The following ZMYM4 variants were observed in gnomAD, a reference collection of about 807,000 sequenced individuals.
ZMYM4 encodes zinc finger MYM-type containing 4, also known as zinc finger MYM-type protein 4.
ZMYM4 carries 31 observed loss-of-function variants against 183.2 expected under a neutral mutation model. The observed-to-expected ratio is 0.17, with a 90% CI of 0.13 to 0.23. ZMYM4 has a LOEUF of 0.23. Among genes scored for constraint, ZMYM4 ranks in the 10% least tolerant of loss-of-function variants. The pLI is 1.00. For synonymous variants in ZMYM4, 592 were observed against 631.2 expected, an observed-to-expected ratio of 0.94 and a Z score of 0.93; for missense variants, 1,273 against 1,840.3, an observed-to-expected ratio of 0.69 and a Z score of 5.64.
At chr1:35,396,739 G>A (rs1294721009) in intron 19 of ZMYM4, 69 bp downstream of exon 19, 1 of 1,490,908 alleles carries the variant, frequency 6.7e-7, no homozygotes, top group East Asian at 2.4e-5. Flanking sequence ...GTATAGTTCT[G>A]TGAAGAAAGT....
At chr1:35,408,906 A>C (rs1292027556) in intron 26 of ZMYM4, among the ~76,000 whole-genome samples, 3 of 152,176 alleles carry the variant, frequency 2.0e-5, no homozygotes, top group Non-Finnish European at 2.9e-5. Context: ...TCCAAAGGGA[A>C]ACCTCAAACC....
rs1446379242 is a variant in ZMYM4 at position 35,419,578 on chromosome 1, C to T, written c.4548C>T (p.Thr1516=). Residue 1516 remains threonine (T), a synonymous_variant, in exon 30 of 30, where the codon ACC becomes ACT. Coordinates refer to ENST00000314607, the MANE Select transcript of ZMYM4 (RefSeq NM_005095.3). ...WYSTFPIDPG[T]LDTMLTRILM... is the part of the protein sequence containing the mutation. ...CCACATTCCCGATAGACCCTGGAAC[C>T]CTGGACACCATGTTAACACGTATTC... The T allele has an allele frequency of 6.2e-7, 1 of 1,614,096 alleles. No homozygotes were observed. Among genetic ancestry groups the T allele is most frequent in the East Asian group, 2.2e-5 (1 of 44,886 alleles).
chr1:35,404,138 C>T (rs143625152), intron 23 of ZMYM4, among the ~76,000 whole-genome samples: 15 of 152,298 alleles, frequency 9.8e-5, no homozygotes, highest in African/African-American at 2.6e-4. Context: ...AATCATGGCT[C>T]GCTGCAACCT....
intron 26 of ZMYM4, among the ~76,000 whole-genome samples, chr1:35,412,064 T>G (rs1162083344): frequency 6.6e-6 from 1 of 151,708 alleles, no homozygotes; most frequent in Non-Finnish European, 1.5e-5. Context: ...TTTTTTTTTT[T>G]GTATTTTTAG....
At chr1:35,294,483 CA>C (rs1640911715) in intron 1 of ZMYM4, among the ~76,000 whole-genome samples, 1 of 151,970 alleles carries the variant, frequency 6.6e-6, no homozygotes, top group South Asian at 2.1e-4. Flanking sequence ...ATTATGAAGG[CA>C]GGGGGCAGTA....
chr1:35,325,860 A>G (rs143616220), intron 2 of ZMYM4, among the ~76,000 whole-genome samples: 1 of 152,278 alleles, frequency 6.6e-6, no homozygotes, highest in Non-Finnish European at 1.5e-5. Flanking sequence ...TCCAAAGATA[A>G]CCAGTTTTAA....
At chr1:35,304,651 T>A (rs1333840240) in intron 1 of ZMYM4, among the ~76,000 whole-genome samples, 2 of 150,986 alleles carry the variant, frequency 1.3e-5, no homozygotes, top group East Asian at 2.0e-4. Flanking sequence ...TTTTTTTTTT[T>A]AGATATGGGG....
intron 23 of ZMYM4, among the ~76,000 whole-genome samples, chr1:35,404,396 T>C (rs1644965715): frequency 6.6e-6 from 1 of 152,172 alleles, no homozygotes; most frequent in South Asian, 2.1e-4. Context: ...AAGCTTAGGT[T>C]ATAGATTATA....
chr1:35,275,904 A>C (rs1430621242), intron 1 of ZMYM4, among the ~76,000 whole-genome samples: 1 of 152,190 alleles, frequency 6.6e-6, no homozygotes, highest in Non-Finnish European at 1.5e-5. Flanking sequence ...GTTCTTATCC[A>C]ACCTTCTCAT....
At chr1:35,350,242 A>AT (rs1643552572) in intron 2 of ZMYM4, among the ~76,000 whole-genome samples, 1 of 150,504 alleles carries the variant, frequency 6.6e-6, no homozygotes, top group South Asian at 2.1e-4. Context: ...AAAAAAAAAA[A>AT]GTAGCAATCT....
At chr1:35,270,986 T>C (rs74332326) in intron 1 of ZMYM4, among the ~76,000 whole-genome samples, 1,933 of 152,322 alleles carry the variant, frequency 0.013, 42 homozygotes, top group African/African-American at 0.044. Flanking sequence ...TATGATGGTA[T>C]GTCCAAATAG....
chr1:35,418,890 G>T (rs1269442525), intron 29 of ZMYM4, among the ~76,000 whole-genome samples: 2 of 152,108 alleles, frequency 1.3e-5, no homozygotes, highest in Non-Finnish European at 2.9e-5. Context: ...ATTTTGTTTT[G>T]CTAAAGCTAT....
At position 35,358,965 on chromosome 1, in the gene ZMYM4, C is replaced by T. The variant is rs1429696745; in HGVS notation, c.126C>T (p.Asp42=). 8 of 1,613,524 alleles carry T rather than the reference C, an allele frequency of 5.0e-6. No homozygotes were observed. The highest frequency in any genetic ancestry group is 8.5e-7 in the Non-Finnish European group (1 of 1,179,636). The change falls in exon 3 of 30, where the codon GAC becomes GAT. Residue 42 remains aspartate (D), a synonymous_variant. Coordinates refer to ENST00000314607, the MANE Select transcript of ZMYM4 (RefSeq NM_005095.3). ...IMDTEMSEDI[D]HNLTPTLDSM... is the part of the protein sequence containing the mutation. ...ATACAGAAATGTCTGAAGATATAGA[C>T]CACAACTTAACTCCTACCCTTGACA...
chr1:35,381,161 A>G (rs1644449806), intron 7 of ZMYM4, 98 bp from the exon 8 acceptor site: 1 of 983,592 alleles, frequency 1.0e-6, no homozygotes, highest in Non-Finnish European at 1.5e-6. Flanking sequence ...ATTTCCCTAC[A>G]GTATAATTGC....
intron 2 of ZMYM4, among the ~76,000 whole-genome samples, chr1:35,342,493 T>A (rs1349764956): frequency 6.6e-6 from 1 of 152,042 alleles, no homozygotes; most frequent in Non-Finnish European, 1.5e-5. Flanking sequence ...CTGTAAGCGT[T>A]TTGTGGGGGA....
chr1:35,363,464 A>C (rs930614852), intron 5 of ZMYM4, among the ~76,000 whole-genome samples: 2 of 152,146 alleles, frequency 1.3e-5, no homozygotes, highest in Non-Finnish European at 2.9e-5. Context: ...ATTTTAACAA[A>C]AAATGATCTA....
At chr1:35,376,091 A>T (rs950090094) in intron 7 of ZMYM4, among the ~76,000 whole-genome samples, 1 of 151,830 alleles carries the variant, frequency 6.6e-6, no homozygotes, top group African/African-American at 2.4e-5. Context: ...AAAAAAAAAA[A>T]TCTCATATTT....
intron 1 of ZMYM4, among the ~76,000 whole-genome samples, chr1:35,314,517 TCA>T (rs1455524293): frequency 1.3e-5 from 2 of 150,948 alleles, no homozygotes; most frequent in Non-Finnish European, 2.9e-5. Context: ...ACTCCTGACC[TCA>T]AGTGATCCAC....
intron 1 of ZMYM4, among the ~76,000 whole-genome samples, chr1:35,319,220 A>C (rs1642184597): frequency 6.6e-6 from 1 of 152,234 alleles, no homozygotes; most frequent in Non-Finnish European, 1.5e-5. Flanking sequence ...TTTTGACAAA[A>C]AAAGATCATG....
Sources: allele counts gnomAD v4.1 joint callset (sites outside exome capture counted in the v4.1 genomes callset), GRCh38; gene constraint gnomAD v4.1.1; transcripts MANE v1.5; gene names NCBI Gene and HGNC (gene_info 2026-07-23, HGNC 2026-07-21).